Variants in TMEM248 observed in about 807,000 individuals in gnomAD.
TMEM248 encodes transmembrane protein 248.
TMEM248 carries 9 observed loss-of-function variants against 30.3 expected under a neutral mutation model. The ratio of observed to expected loss-of-function variants is 0.30; its 90% CI spans 0.18 to 0.52. TMEM248 has a LOEUF of 0.52. Ranked by LOEUF, TMEM248 falls within the 20% of genes least tolerant of loss-of-function variation. TMEM248 has a pLI of 0.97. For synonymous variants in TMEM248, 184 were observed against 154.4 expected, an observed-to-expected ratio of 1.19 and a Z score of -1.42; for missense variants, 338 against 403.3, an observed-to-expected ratio of 0.84 and a Z score of 1.39.
intron 1 of TMEM248, among the ~76,000 whole-genome samples, chr7:66,927,895 C>T (rs1440532073): frequency 6.6e-6 from 1 of 152,028 alleles, no homozygotes; most frequent in Non-Finnish European, 1.5e-5. Flanking sequence ...TGAATGAGTG[C>T]TGAGATGGGA....
rs1562942853 is a variant in TMEM248 at position 66,945,229 on chromosome 7, C to G, written c.413C>G (p.Ser138Ter). Reference protein sequence around the residue: ...GYSRNVTHLYSTILGHQIGLS... With the variant: ...GYSRNVTHLY Reference sequence around the variant, plus strand: ...TCCCGCAACGTCACCCATCTGTACTCAACCATCTTAGGGCATCAGATTGGA... The same window carrying G: ...TCCCGCAACGTCACCCATCTGTACTGAACCATCTTAGGGCATCAGATTGGA... The change falls in exon 3 of 7, where the codon TCA becomes TGA. Residue 138 changes from serine (S) to a stop codon, truncating the protein, a stop_gained. Coordinates refer to ENST00000341567, the MANE Select transcript of TMEM248 (RefSeq NM_017994.5). LOFTEE classifies it high-confidence loss of function. The G allele has an allele frequency of 6.2e-7, 1 of 1,614,194 alleles. No homozygotes were observed. The highest frequency in any genetic ancestry group is 8.5e-7 in the Non-Finnish European group (1 of 1,180,020).
intron 1 of TMEM248, among the ~76,000 whole-genome samples, chr7:66,930,328 T>C (rs1791632244): frequency 6.6e-6 from 1 of 152,052 alleles, no homozygotes; most frequent in Non-Finnish European, 1.5e-5. Context: ...GTACATAAAA[T>C]GGGATTAAGG....
At chr7:66,946,657 G>C (rs1020745715) in intron 3 of TMEM248, among the ~76,000 whole-genome samples, 7 of 152,122 alleles carry the variant, frequency 4.6e-5, no homozygotes, top group Non-Finnish European at 1.0e-4. Flanking sequence ...ATAAACGTGA[G>C]TTAATGTTTA....
chr7:66,953,344 G>C lies in TMEM248; in HGVS notation c.899G>C (p.Ser300Thr). ...GGCAGACCTAGCAAATTGCGTCAGA[G>C]CAATCCTGAATTTTGTCCCGAGAAG... ...IKGRPSKLRQSNPEFCPEKVA... is the reference protein window; with the variant it reads ...IKGRPSKLRQTNPEFCPEKVA... Residue 300 changes from serine to threonine, a missense_variant, in exon 6 of 7, where the codon AGC becomes ACC. Ser to Thr is a moderately conservative substitution (Grantham distance 58). Transcript: ENST00000341567. The C allele has an allele frequency of 6.2e-7, 1 of 1,614,142 alleles. No homozygotes were observed. The highest frequency in any genetic ancestry group is 8.5e-7 in the Non-Finnish European group (1 of 1,180,020).
intron 5 of TMEM248, among the ~76,000 whole-genome samples, chr7:66,952,869 G>A (rs1003952166): frequency 6.6e-6 from 1 of 152,214 alleles, no homozygotes; most frequent in African/African-American, 2.4e-5. Flanking sequence ...GTCTTGTGAC[G>A]AGGATGTGTC....
chr7:66,939,340 G>A (rs1288680579), intron 1 of TMEM248, among the ~76,000 whole-genome samples: 1 of 152,184 alleles, frequency 6.6e-6, no homozygotes, highest in Non-Finnish European at 1.5e-5. Context: ...CCTCAGACTG[G>A]AATAACTCAA....
At chr7:66,951,435 A>G (rs904103080) in intron 5 of TMEM248, 5 of 256,946 alleles carry the variant, frequency 1.9e-5, no homozygotes, top group African/African-American at 1.1e-4. Flanking sequence ...TTCTATTAAT[A>G]TTATCTTAGA....
At position 66,957,727 on chromosome 7, in the gene TMEM248, A is replaced by G. The variant is rs540965094; in HGVS notation, c.*2205A>G. The G allele has an allele frequency of 2.6e-5, 4 of 152,208 alleles. No individual in the cohort carries two copies. Among genetic ancestry groups the G allele is most frequent in the African/African-American group, 9.6e-5 (4 of 41,454 alleles). The allele number at this position is 152,208 out of a possible 1,614,324, so 9.4% of individuals were successfully genotyped here. On this transcript the variant is annotated 3_prime_UTR_variant, in exon 7 of 7. Transcript: ENST00000341567. Reference sequence around the variant, plus strand: ...GGTTCGTTCAATCCAGCTTGTTGCTAATATTAGTTACCCTTGTTTTAATGA... The same window carrying G: ...GGTTCGTTCAATCCAGCTTGTTGCTGATATTAGTTACCCTTGTTTTAATGA...
chr7:66,945,207 C>T lies in TMEM248; in HGVS notation c.391C>T (p.Arg131Cys), dbSNP rs987812336. The T allele has an allele frequency of 3.7e-6, 6 of 1,614,038 alleles. No homozygotes were observed. In the African/African-American group the frequency reaches 5.3e-5, roughly 14 times the overall value. ...ACTGAAACCCTTCGGAGGGTATTCC[C>T]GCAACGTCACCCATCTGTACTCAAC... ...DPLKPFGGYS[R>C]NVTHLYSTIL... Residue 131 changes from arginine to cysteine, a missense_variant, in exon 3 of 7, where the codon CGC (arginine) becomes TGC (cysteine). Coordinates refer to ENST00000341567, the MANE Select transcript of TMEM248 (RefSeq NM_017994.5).
chr7:66,948,675 G>C lies in TMEM248; in HGVS notation c.577G>C (p.Gly193Arg), dbSNP rs924339174. ...CTGCATGACCCTCACGGCCAGCCCT[G>C]GGGTGTTCCCCGTCACTGTGTAAGT... ...TACMTLTASP[G>R]VFPVTVQPPH... Residue 193 changes from glycine (G) to arginine (R), a missense_variant, in exon 4 of 7, where the codon GGG becomes CGG. By Grantham distance (125) the Gly-to-Arg change is moderately radical (BLOSUM62 -2). Coordinates refer to ENST00000341567, the MANE Select transcript of TMEM248 (RefSeq NM_017994.5). 6.2e-6 allele frequency: 10 copies of C among 1,611,954 alleles called. No homozygotes were observed. The highest frequency in any genetic ancestry group is 1.3e-5 in the African/African-American group (1 of 75,008).
rs1453194982 is a variant in TMEM248, at chr7:66,944,916, C to T, written c.160-60C>T. ...GCCACACTGGGGTCTTACCTGTATTCCCGCAGTGGGAGACAGGCGCTGCTT... is the reference window on the plus strand; with the variant it reads ...GCCACACTGGGGTCTTACCTGTATTTCCGCAGTGGGAGACAGGCGCTGCTT... On this transcript the variant is annotated intron_variant, in intron 2 of 6. Transcript: ENST00000341567. The T allele has an allele frequency of 8.3e-6, 13 of 1,572,836 alleles. No homozygotes were observed. The East Asian group carries it at 1.6e-4, about 19-fold the overall frequency.
At chr7:66,923,168 C>A (rs1426079306) in intron 1 of TMEM248, among the ~76,000 whole-genome samples, 2 of 149,208 alleles carry the variant, frequency 1.3e-5, no homozygotes, top group East Asian at 4.0e-4. Flanking sequence ...TTTCTTGAGG[C>A]GGAGTCTTGC....
chr7:66,943,114 C>T (rs902533861), intron 2 of TMEM248, among the ~76,000 whole-genome samples: 1 of 152,018 alleles, frequency 6.6e-6, no homozygotes, highest in Non-Finnish European at 1.5e-5. Context: ...GAGTTTATTA[C>T]TAAGAGACAT....
rs35126436 is a variant in TMEM248, at chr7:66,929,426, A to ATTTTT, written c.-19+7989_-19+7993dup. Among the ~76,000 whole-genome samples the ATTTTT allele has an allele frequency of 5.7e-4, 56 of 97,666 alleles. 4 individuals are homozygous for ATTTTT. The highest frequency in any genetic ancestry group is 2.2e-3 in the East Asian group (6 of 2,714). 64.1% of individuals were successfully genotyped at this position (97,666 alleles called of 152,430 possible). A position where few individuals can be genotyped will look rare whatever the true frequency, so the allele number is the denominator to read the frequency against. On this transcript the variant is annotated intron_variant, in intron 1 of 6. Transcript: ENST00000341567. ...ACAATATCATGGAAATGAGAGACAA[A>ATTTTT]TTTTTTTTTTTTTTTTTTTTTTTTT... is the stretch of plus-strand genomic sequence containing the variant.
intron 1 of TMEM248, among the ~76,000 whole-genome samples, chr7:66,935,058 A>T (rs1791767025): frequency 6.6e-6 from 1 of 152,008 alleles, no homozygotes; most frequent in Non-Finnish European, 1.5e-5. Context: ...CTTGTGTCCA[A>T]AAAAACAAAA....
chr7:66,936,269 GAT>G (rs1791802801), intron 1 of TMEM248, among the ~76,000 whole-genome samples: 1 of 152,164 alleles, frequency 6.6e-6, no homozygotes, highest in African/African-American at 2.4e-5. Context: ...ATCATGAAGA[GAT>G]ATTTAATTTT....
intron 5 of TMEM248, among the ~76,000 whole-genome samples, chr7:66,952,094 T>A (rs940075698): frequency 6.6e-6 from 1 of 152,144 alleles, no homozygotes. Context: ...AATTTTTTTT[T>A]ATTTTTATTT....
intron 3 of TMEM248, among the ~76,000 whole-genome samples, chr7:66,945,612 C>T (rs979128423): frequency 1.3e-5 from 2 of 152,090 alleles, no homozygotes; most frequent in African/African-American, 4.8e-5. Flanking sequence ...TTTTAATGGC[C>T]ATTGTTAGTC....
chr7:66,951,211 G>A (rs1351462290), intron 5 of TMEM248, 76 bp downstream of exon 5: 3 of 1,381,792 alleles, frequency 2.2e-6, no homozygotes, highest in South Asian at 3.5e-5. Flanking sequence ...GCAACCGTTG[G>A]TGTAGGCCCT....
Sources: allele counts gnomAD v4.1 joint callset (sites outside exome capture counted in the v4.1 genomes callset), GRCh38; gene constraint gnomAD v4.1.1; transcripts MANE v1.5; gene names NCBI Gene and HGNC (gene_info 2026-07-23, HGNC 2026-07-21).